PDPK1: variants seen among roughly 807,000 people sequenced by gnomAD.
PDPK1 encodes 3-phosphoinositide-dependent protein kinase 1.
PDPK1 carries 7 observed loss-of-function variants against 39.8 expected under a neutral mutation model. That is an observed-to-expected ratio of 0.18 (90% CI 0.10 to 0.33). The LOEUF is 0.33. Among genes scored for constraint, PDPK1 ranks in the 10% least tolerant of loss-of-function variants. The pLI, the probability that PDPK1 is intolerant of heterozygous loss-of-function variation, is 1.00. For missense variants in PDPK1, 182 were observed against 384.7 expected, an observed-to-expected ratio of 0.47 and a Z score of 4.41; for synonymous variants, 118 against 159.1, an observed-to-expected ratio of 0.74 and a Z score of 1.95.
intron 1 of PDPK1, among the ~76,000 whole-genome samples, chr16:2,542,736 G>A (rs371580798): frequency 4.7e-4 from 70 of 150,362 alleles, no homozygotes; most frequent in South Asian, 1.1e-3. Flanking sequence ...TGTGTTTCAA[G>A]TCAGCTTGTA....
At chr16:2,595,877 C>A (rs200084489) in intron 12 of PDPK1, 27 bp downstream of exon 12, 3 of 1,578,920 alleles carry the variant, frequency 1.9e-6, no homozygotes, top group Non-Finnish European at 2.6e-6. Flanking sequence ...CCCGCTGCTC[C>A]GCACGGACAC....
rs138756291 is a variant in PDPK1, at chr16:2,598,833, G to A, written c.*1066G>A. On this transcript the variant is annotated 3_prime_UTR_variant, in exon 14 of 14. Coordinates refer to ENST00000342085, the MANE Select transcript of PDPK1 (RefSeq NM_002613.5). ...CACGCCAGGGAGTGCAGACACCACC[G>A]TCACACACGCCCCTTTTGTGTTTTG... 2.4e-3 allele frequency: 564 copies of A among 233,312 alleles called. No individual in the cohort carries two copies. The highest frequency in any genetic ancestry group is 3.8e-3 in the Non-Finnish European group (445 of 118,060). The allele number at this position is 233,312 out of a possible 1,614,324, so 14.5% of individuals were successfully genotyped here.
At chr16:2,596,091 G>C (rs930914660) in intron 12 of PDPK1, among the ~76,000 whole-genome samples, 6 of 152,244 alleles carry the variant, frequency 3.9e-5, no homozygotes, top group African/African-American at 1.4e-4. Flanking sequence ...GCCTGGGGCT[G>C]CCTGTTTTGA....
In PDPK1 at chr16:2,593,370, C is replaced by T. The variant is rs190027960; in HGVS notation, c.1344-2423C>T. On this transcript the variant is annotated intron_variant, in intron 11 of 13. Transcript: ENST00000342085. The surrounding 1 kb of genome is among the most constrained non-coding windows in gnomAD (Gnocchi z 4.2). ...GGCGGCTGTATCTGGAAGTCCTTTC[C>T]CGCCCCAGCTGTGGTCCTGGTGGTT... 2.2e-3 allele frequency: 748 copies of T among 333,694 alleles called. 3 individuals are homozygous for T. The highest frequency in any genetic ancestry group is 4.3e-3 in the Middle Eastern group (4 of 924). 20.7% of individuals were successfully genotyped at this position (333,694 alleles called of 1,614,324 possible).
intron 1 of PDPK1, chr16:2,539,046 AT>A (rs1361422282): frequency 9.6e-6 from 2 of 208,652 alleles, no homozygotes; most frequent in Admixed American, 5.4e-5. Context: ...AACCCAAGAA[AT>A]TTAATTGATC....
chr16:2,580,335 A>T (rs2066801559), intron 7 of PDPK1, among the ~76,000 whole-genome samples: 1 of 144,894 alleles, frequency 6.9e-6, no homozygotes, highest in Non-Finnish European at 1.5e-5. Context: ...CATGGGCAGG[A>T]GGAGGTCTCT....
At chr16:2,543,750 CT>C (rs1283142405) in intron 1 of PDPK1, among the ~76,000 whole-genome samples, 4 of 152,244 alleles carry the variant, frequency 2.6e-5, no homozygotes, top group Non-Finnish European at 5.9e-5. Flanking sequence ...GAGACAGAAT[CT>C]TGCTCTGTCG....
At position 2,599,871 on chromosome 16, in the gene PDPK1, C is replaced by T. The variant is rs574692618; in HGVS notation, c.*2104C>T. ...GCTGGGCTGCTTGGGGAGACTCTTCCGTGCGTTCTTCCTCTGGATAGAACC... is the reference window on the plus strand; with the variant it reads ...GCTGGGCTGCTTGGGGAGACTCTTCTGTGCGTTCTTCCTCTGGATAGAACC... On this transcript the variant is annotated 3_prime_UTR_variant, in exon 14 of 14. Transcript: ENST00000342085. 3.8e-5 allele frequency: 9 copies of T among 233,794 alleles called. No homozygotes were observed. The East Asian group carries it at 4.2e-4, about 11-fold the overall frequency. The allele number at this position is 233,794 out of a possible 1,614,324, so 14.5% of individuals were successfully genotyped here.
rs2066884742 is a variant in PDPK1, at chr16:2,586,748, T to G, written c.1198T>G (p.Ser400Ala). The G allele has an allele frequency of 6.2e-7, 1 of 1,614,228 alleles. No individual in the cohort carries two copies. The highest frequency in any genetic ancestry group is 8.5e-7 in the Non-Finnish European group (1 of 1,180,032). The change falls in exon 11 of 14, where the codon TCC (serine) becomes GCC (alanine). Residue 400 changes from serine (S) to alanine (A), a missense_variant. Coordinates refer to ENST00000342085, the MANE Select transcript of PDPK1 (RefSeq NM_002613.5). ...CTCCTCCTCACACTCCCTGTCAGCCTCCGACACGGGCCTGCCCCAGAGGTC... is the reference window on the plus strand; with the variant it reads ...CTCCTCCTCACACTCCCTGTCAGCCGCCGACACGGGCCTGCCCCAGAGGTC... Reference protein sequence around the residue: ...SSSSSHSLSASDTGLPQRSGS... With the variant: ...SSSSSHSLSAADTGLPQRSGS...
intron 11 of PDPK1, chr16:2,594,178 C>G (rs2067051663): frequency 6.6e-6 from 1 of 152,330 alleles, no homozygotes; most frequent in African/African-American, 2.4e-5. Flanking sequence ...GCTGTTGGCC[C>G]TGTGTGCAGC....
chr16:2,595,384 G>A (rs546919169), intron 11 of PDPK1, among the ~76,000 whole-genome samples: 3 of 152,292 alleles, frequency 2.0e-5, no homozygotes, highest in East Asian at 1.9e-4. Flanking sequence ...ACTTGAGGGC[G>A]ATCATCTCAT....
intron 11 of PDPK1, among the ~76,000 whole-genome samples, chr16:2,591,573 T>C (rs962062333): frequency 6.6e-6 from 1 of 152,230 alleles, no homozygotes; most frequent in Non-Finnish European, 1.5e-5. Flanking sequence ...CTCCAGTCTC[T>C]AAAAAGGCTG....
intron 11 of PDPK1, among the ~76,000 whole-genome samples, chr16:2,594,979 T>C (rs1237423420): frequency 3.9e-5 from 6 of 152,158 alleles, no homozygotes; most frequent in Non-Finnish European, 7.4e-5. Context: ...AAAAATTAGC[T>C]GGGCATGGTG....
At chr16:2,541,759 A>G (rs1331308205) in intron 1 of PDPK1, among the ~76,000 whole-genome samples, 1 of 152,240 alleles carries the variant, frequency 6.6e-6, no homozygotes, top group Admixed American at 6.5e-5. Flanking sequence ...TCAGCCGTGC[A>G]TTCTTCTACA....
chr16:2,587,641 C>T (rs568572524), intron 11 of PDPK1, among the ~76,000 whole-genome samples: 1 of 152,214 alleles, frequency 6.6e-6, no homozygotes, highest in African/African-American at 2.4e-5. Flanking sequence ...CTCAAGTAGC[C>T]GGAATTACAG....
rs536093628 is a variant in PDPK1 at position 2,587,062 on chromosome 16, C to G, written c.1343+169C>G. Among the ~76,000 whole-genome samples, 7 of 152,364 alleles carry G rather than the reference C, an allele frequency of 4.6e-5. No homozygotes were observed. The East Asian group carries it at 1.4e-3, about 29-fold the overall frequency. On this transcript the variant is annotated intron_variant, in intron 11 of 13. Transcript: ENST00000342085. The stretch of plus-strand genomic sequence containing the variant: ...TTGGAAACAGGTGCTTAGGAGGCAG[C>G]CGGCCCAGGGGCTGAGTGGGTTGTG...
chr16:2,539,948 A>G (rs1286944836), intron 1 of PDPK1, among the ~76,000 whole-genome samples: 5 of 152,248 alleles, frequency 3.3e-5, no homozygotes, highest in Admixed American at 6.5e-5. Flanking sequence ...GCACAAAAAC[A>G]CTGGAATCCA....
intron 1 of PDPK1, among the ~76,000 whole-genome samples, chr16:2,550,306 A>G (rs1269851887): frequency 7.1e-6 from 1 of 141,370 alleles, no homozygotes. Flanking sequence ...CACAGAAGAT[A>G]TATGGAGAGT....
chr16:2,558,394 A>G (rs2066543865), intron 2 of PDPK1, among the ~76,000 whole-genome samples: 1 of 149,220 alleles, frequency 6.7e-6, no homozygotes, highest in Non-Finnish European at 1.5e-5. Flanking sequence ...ACCTCTTCTT[A>G]TTTCTCTGTT....
Sources: gnomAD v4.1 joint callset for allele counts (sites outside exome capture counted in the v4.1 genomes callset) on GRCh38, gnomAD v4.1.1 for gene constraint, Gnocchi (gnomAD v3.1) non-coding constraint, MANE v1.5 for transcripts, NCBI Gene and HGNC (gene_info 2026-07-23, HGNC 2026-07-21) for gene names.